Variants in NXPE2 observed in about 807,000 individuals in gnomAD.
NXPE2 encodes NXPE family member 2.
NXPE2 carries 34 observed loss-of-function variants against 34.4 expected under a neutral mutation model. That is an observed-to-expected ratio of 0.99 (90% CI 0.75 to 1.31). NXPE2 has a LOEUF of 1.31. Ranked by LOEUF, NXPE2 falls within the 40% of genes most tolerant of loss-of-function variation. The probability of loss-of-function intolerance (pLI) is 0.00; values close to 1 mark genes in which losing one functional copy is unlikely to be tolerated. For synonymous variants in NXPE2, 235 were observed against 231.3 expected, an observed-to-expected ratio of 1.02 and a Z score of -0.15; for missense variants, 649 against 672.5, an observed-to-expected ratio of 0.97 and a Z score of 0.39.
chr11:114,753,747 A>ATC, the NXPE2 span, among the ~76,000 whole-genome samples: 1 of 152,246 alleles, frequency 6.6e-6, no homozygotes, highest in Non-Finnish European at 1.5e-5. Context: ...AATCGTATTG[A>ATC]TCATGGTGCC....
chr11:114,715,453 C>T, the NXPE2 span, among the ~76,000 whole-genome samples: 21 of 152,250 alleles, frequency 1.4e-4, no homozygotes, highest in African/African-American at 4.3e-4. Flanking sequence ...ACCTCTTTTA[C>T]ATTCAATAAT....
At chr11:114,794,111 G>A in the NXPE2 span, among the ~76,000 whole-genome samples, 1 of 152,036 alleles carries the variant, frequency 6.6e-6, no homozygotes, top group Non-Finnish European at 1.5e-5. Flanking sequence ...ATCTAATTTA[G>A]CACTTCCTGC....
At chr11:114,637,869 C>T in the NXPE2 span, among the ~76,000 whole-genome samples, 2 of 151,912 alleles carry the variant, frequency 1.3e-5, no homozygotes, top group Non-Finnish European at 2.9e-5. Flanking sequence ...GAGGGTAACC[C>T]GACCTTTCTC....
the NXPE2 span, among the ~76,000 whole-genome samples, chr11:114,719,419 G>A: frequency 6.6e-6 from 1 of 152,222 alleles, no homozygotes; most frequent in Non-Finnish European, 1.5e-5. Context: ...GCAGCCTAAT[G>A]TGGCAGAGGA....
chr11:114,617,684 A>AT, the NXPE2 span, among the ~76,000 whole-genome samples: 1 of 151,518 alleles, frequency 6.6e-6, no homozygotes, highest in South Asian at 2.1e-4. Flanking sequence ...CCGGTGGATA[A>AT]AAAGTACTGC....
the NXPE2 span, among the ~76,000 whole-genome samples, chr11:114,557,384 A>G: frequency 6.6e-6 from 1 of 152,016 alleles, no homozygotes; most frequent in Non-Finnish European, 1.5e-5. Context: ...GGGACCTTAG[A>G]AAACTGTACT....
the NXPE2 span, among the ~76,000 whole-genome samples, chr11:114,565,396 C>T: frequency 6.6e-6 from 1 of 152,172 alleles, no homozygotes; most frequent in African/African-American, 2.4e-5. Context: ...TTTTATTTAA[C>T]AGGTATAGAC....
At chr11:114,741,448 T>C in the NXPE2 span, among the ~76,000 whole-genome samples, 2 of 152,174 alleles carry the variant, frequency 1.3e-5, no homozygotes, top group Non-Finnish European at 2.9e-5. Context: ...AGCACTGTAA[T>C]GCTAATGTGA....
chr11:114,564,375 A>G, the NXPE2 span, among the ~76,000 whole-genome samples: 2 of 152,136 alleles, frequency 1.3e-5, no homozygotes, highest in Non-Finnish European at 2.9e-5. Flanking sequence ...TGCTCAGGTG[A>G]TCAATGCACC....
chr11:114,482,998 T>C, the NXPE2 span, among the ~76,000 whole-genome samples: 3 of 152,198 alleles, frequency 2.0e-5, no homozygotes, highest in African/African-American at 7.2e-5. Flanking sequence ...CTTCCTAGCG[T>C]TTGTCATTCA....
At chr11:114,760,930 C>CG in the NXPE2 span, among the ~76,000 whole-genome samples, 1 of 152,154 alleles carries the variant, frequency 6.6e-6, no homozygotes, top group Admixed American at 6.5e-5. Context: ...TTTATTGTCA[C>CG]TGCCTAATCA....
At chr11:114,749,067 T>C in the NXPE2 span, among the ~76,000 whole-genome samples, 1 of 152,178 alleles carries the variant, frequency 6.6e-6, no homozygotes, top group Non-Finnish European at 1.5e-5. Flanking sequence ...ATTCATCTTG[T>C]AATTTTGTTG....
At chr11:114,811,342 A>G in the NXPE2 span, among the ~76,000 whole-genome samples, 1 of 42,704 alleles carries the variant, frequency 2.3e-5, no homozygotes, top group Non-Finnish European at 6.6e-5. Flanking sequence ...TAATAATAAT[A>G]AAATAAAAAA....
chr11:114,752,400 T>G, the NXPE2 span, among the ~76,000 whole-genome samples: 1 of 152,208 alleles, frequency 6.6e-6, no homozygotes, highest in Non-Finnish European at 1.5e-5. Context: ...GATTTTAAAT[T>G]GAAAAGCCAC....
the NXPE2 span, among the ~76,000 whole-genome samples, chr11:114,654,391 G>C: frequency 2.0e-5 from 3 of 151,616 alleles, no homozygotes; most frequent in African/African-American, 7.3e-5. Context: ...CATGCAGAAT[G>C]TGCAGGTTTG....
At chr11:114,805,868 T>C in the NXPE2 span, among the ~76,000 whole-genome samples, 2 of 152,192 alleles carry the variant, frequency 1.3e-5, no homozygotes, top group African/African-American at 4.8e-5. Context: ...AGCACGCAGC[T>C]TGAGATCTGA....
chr11:114,530,450 A>G, the NXPE2 span: 2 of 1,614,198 alleles, frequency 1.2e-6, no homozygotes, highest in Non-Finnish European at 1.7e-6. Context: ...ACGCCCCTTC[A>G]CTGGGGTGGA....
chr11:114,695,830 A>AACACACACAC (rs67132329), intron 2 of NXPE2, among the ~76,000 whole-genome samples: 6,376 of 132,516 alleles, frequency 0.048, 183 homozygotes, highest in South Asian at 0.075. Context: ...GTCTCTACTA[A>AACACACACAC]ACACACACAC....
intron 2 of NXPE2, among the ~76,000 whole-genome samples, chr11:114,687,379 C>T (rs943127797): frequency 1.3e-5 from 2 of 152,122 alleles, no homozygotes; most frequent in African/African-American, 4.8e-5. Flanking sequence ...TATCCTTTCC[C>T]CAGTGCTTAT....
Sources: gnomAD v4.1 joint callset for allele counts (sites outside exome capture counted in the v4.1 genomes callset) on GRCh38, gnomAD v4.1.1 for gene constraint, MANE v1.5 for transcripts, NCBI Gene and HGNC (gene_info 2026-07-23, HGNC 2026-07-21) for gene names.